Variants in GSAP observed in about 807,000 individuals in gnomAD.
The protein encoded by GSAP is gamma-secretase-activating protein.
In GSAP, 118 loss-of-function variants were observed where a neutral mutation model predicts 131.7. The ratio of observed to expected loss-of-function variants is 0.90; its 90% CI spans 0.77 to 1.04. The LOEUF (loss-of-function observed/expected upper bound fraction) is 1.04. Among genes scored for constraint, GSAP ranks in the 50% least tolerant of loss-of-function variants. The pLI is 0.00. For missense variants in GSAP, 1,019 were observed against 1,013.2 expected (o/e 1.01, Z -0.08); for synonymous variants, 381 against 363.4 (o/e 1.05, Z -0.55).
intron 10 of GSAP, among the ~76,000 whole-genome samples, chr7:77,376,312 G>A (rs568725612): frequency 6.6e-6 from 1 of 152,320 alleles, no homozygotes; most frequent in South Asian, 2.1e-4. Context: ...GAAGCATTTA[G>A]TTACTGGACA....
At chr7:77,389,831 T>TA (rs1203196313) in intron 5 of GSAP, among the ~76,000 whole-genome samples, 3 of 152,226 alleles carry the variant, frequency 2.0e-5, no homozygotes, top group Non-Finnish European at 4.4e-5. Flanking sequence ...ATGGTATTTC[T>TA]AGTTCTAGAT....
chr7:77,385,162 T>TA, intron 6 of GSAP, among the ~76,000 whole-genome samples: 1 of 151,470 alleles, frequency 6.6e-6, no homozygotes, highest in South Asian at 2.1e-4. Context: ...GCCACCCGAG[T>TA]AGATGGGATT....
chr7:77,334,580 TAAAAAAAA>T (rs57442782), intron 19 of GSAP, among the ~76,000 whole-genome samples: 903 of 81,986 alleles, frequency 0.011, 18 homozygotes, highest in Non-Finnish European at 0.016. Flanking sequence ...ACTTAAAATT[TAAAAAAAA>T]AAAAAAAAAA....
chr7:77,386,125 G>A (rs1798529970), intron 6 of GSAP, among the ~76,000 whole-genome samples: 2 of 152,114 alleles, frequency 1.3e-5, no homozygotes, highest in South Asian at 4.2e-4. Context: ...CCTAAATATT[G>A]AAATCCCAAA....
At chr7:77,328,262 A>G in intron 22 of GSAP, 1 of 1,062,648 alleles carries the variant, frequency 9.4e-7, no homozygotes, top group Non-Finnish European at 1.1e-6. Flanking sequence ...AGGATCAGAC[A>G]GCTAGAAAGC....
chr7:77,414,797 T>A (rs780844184), intron 1 of GSAP, among the ~76,000 whole-genome samples: 35 of 146,826 alleles, frequency 2.4e-4, no homozygotes, highest in Non-Finnish European at 4.5e-4. Flanking sequence ...CTGCCTGTTG[T>A]ATTTCAAAAA....
At chr7:77,362,009 T>C (rs533033224) in intron 13 of GSAP, among the ~76,000 whole-genome samples, 1 of 152,226 alleles carries the variant, frequency 6.6e-6, no homozygotes, top group African/African-American at 2.4e-5. Context: ...AAACACACTT[T>C]GGATAAATAC....
rs182641540 is a variant in GSAP at position 77,342,495 on chromosome 7, T to C, written c.1545+6856A>G. Among the ~76,000 whole-genome samples, 45 of 152,174 alleles carry C rather than the reference T, an allele frequency of 3.0e-4. No homozygotes were observed. The East Asian group carries it at 8.7e-3, about 29-fold the overall frequency. On this transcript the variant is annotated intron_variant, in intron 19 of 30. Coordinates refer to ENST00000257626, the MANE Select transcript of GSAP (RefSeq NM_017439.4). ...ACTAAATTATCTGCTTGCCTGACTA[T>C]TCCTAGGTTACAGCCACACTCTCAT...
chr7:77,353,357 T>A (rs149456363), intron 17 of GSAP, among the ~76,000 whole-genome samples: 8 of 152,110 alleles, frequency 5.3e-5, no homozygotes, highest in African/African-American at 1.9e-4. Flanking sequence ...TCCTATCTTG[T>A]ATCTCATCAA....
intron 12 of GSAP, among the ~76,000 whole-genome samples, chr7:77,373,622 AT>A (rs1796442755): frequency 6.6e-6 from 1 of 152,210 alleles, no homozygotes; most frequent in Non-Finnish European, 1.5e-5. Flanking sequence ...GGAACAAAAT[AT>A]TTCACATTAA....
At chr7:77,351,679 C>T (rs1050325186) in intron 18 of GSAP, 4 of 985,820 alleles carry the variant, frequency 4.1e-6, no homozygotes, top group Non-Finnish European at 4.8e-6. Context: ...AGCTGCTCCA[C>T]CCTGCACAAT....
intron 19 of GSAP, 147 bp downstream of exon 19, chr7:77,349,204 A>G: frequency 1.6e-6 from 1 of 641,476 alleles, no homozygotes; most frequent in Non-Finnish European, 2.8e-6. Context: ...TCACCCATGT[A>G]GGAAGGATTC....
intron 19 of GSAP, among the ~76,000 whole-genome samples, chr7:77,336,260 A>G (rs776136005): frequency 2.0e-5 from 3 of 152,054 alleles, no homozygotes; most frequent in Non-Finnish European, 4.4e-5. Flanking sequence ...GAGAAAGTCA[A>G]TGCTAAGCTC....
chr7:77,351,027 T>G (rs1438548718), intron 18 of GSAP: 1 of 641,682 alleles, frequency 1.6e-6, no homozygotes, highest in African/African-American at 2.0e-5. Flanking sequence ...AGATGTAATG[T>G]AGAAATAAAA....
At chr7:77,351,230 A>T (rs750869185) in intron 18 of GSAP, 6 of 981,234 alleles carry the variant, frequency 6.1e-6, no homozygotes, top group African/African-American at 1.7e-5. Flanking sequence ...ATACCTCAAA[A>T]AAAATTAAAA....
intron 10 of GSAP, among the ~76,000 whole-genome samples, chr7:77,375,732 T>C (rs186273953): frequency 9.5e-4 from 144 of 151,816 alleles, no homozygotes; most frequent in African/African-American, 3.4e-3. Context: ...TAATCCCAGC[T>C]ACTAGGGAGG....
chr7:77,388,272 C>G (rs983522897), intron 5 of GSAP, among the ~76,000 whole-genome samples: 1 of 152,164 alleles, frequency 6.6e-6, no homozygotes, highest in Admixed American at 6.5e-5. Flanking sequence ...AAACACAGTG[C>G]GATTCTCTGT....
At chr7:77,348,883 G>T (rs533822574) in intron 19 of GSAP, among the ~76,000 whole-genome samples, 2 of 152,318 alleles carry the variant, frequency 1.3e-5, no homozygotes, top group South Asian at 4.1e-4. Context: ...ACAACCAGAA[G>T]GAAATTAGAT....
At chr7:77,324,496 A>C (rs1018164344) in intron 23 of GSAP, among the ~76,000 whole-genome samples, 3 of 152,160 alleles carry the variant, frequency 2.0e-5, no homozygotes, top group African/African-American at 7.2e-5. Flanking sequence ...TGTACAGCTT[A>C]TATCACCCAT....
Sources: gnomAD v4.1 joint callset for allele counts (sites outside exome capture counted in the v4.1 genomes callset) on GRCh38, gnomAD v4.1.1 for gene constraint, MANE v1.5 for transcripts, NCBI Gene and HGNC (gene_info 2026-07-23, HGNC 2026-07-21) for gene names.